Variants in PYGO1 observed in about 807,000 individuals in gnomAD.
PYGO1 encodes pygopus family PHD finger 1, also known as pygopus homolog 1.
Under a neutral mutation model 29.5 loss-of-function variants are expected in PYGO1, and 6 were observed. The observed-to-expected ratio is 0.20, with a 90% CI of 0.11 to 0.40. The LOEUF is 0.40. Among genes scored for constraint, PYGO1 ranks in the 10% least tolerant of loss-of-function variants. The probability of loss-of-function intolerance (pLI) is 1.00; values close to 1 mark genes in which losing one functional copy is unlikely to be tolerated. For synonymous variants in PYGO1, 186 were observed against 180.5 expected (o/e 1.03, Z -0.24); for missense variants, 515 against 514.9 (o/e 1.00, Z 0.00).
upstream of PYGO1, chr15:55,588,743 T>C: frequency 6.4e-7 from 1 of 1,565,034 alleles, no homozygotes; most frequent in African/African-American, 1.4e-5. Context: ...CCGAACTTCG[T>C]CGGAGGCCAC....
chr15:55,569,935 T>C lies in PYGO1; in HGVS notation c.49+17900A>G, dbSNP rs79337381. Among the ~76,000 whole-genome samples, 110 of 152,334 alleles carry C rather than the reference T, an allele frequency of 7.2e-4. No individual in the cohort carries two copies. In the East Asian group the frequency reaches 0.02, roughly 28 times the overall value. ...GTACACAACCAGATTTAAAATGGCA[T>C]CCTGCTCTCAGGGTCTTGGAAAATA... On this transcript the variant is annotated intron_variant, in intron 1 of 2. Coordinates refer to ENST00000563719, the MANE Select transcript of PYGO1 (RefSeq NM_001367806.1).
Position 55,546,334 on chromosome 15 carries a change from A to G in PYGO1, c.949T>C (p.Cys317Arg), listed in dbSNP as rs2058850153. Residue 317 changes from cysteine (C) to arginine (R), a missense_variant, in exon 3 of 3, where the codon TGC becomes CGC. Transcript: ENST00000563719. ...GATTTATTGCTTTTTTCTGTGGTGC[A>G]GGCATCTGCTGCACCTCTTGGTTGT... ...PRQPRGAADA[C>R]TTEKSNKSSL... 6.2e-7 allele frequency: 1 copy of G among 1,614,192 alleles called. No homozygotes were observed. The highest frequency in any genetic ancestry group is 8.5e-7 in the Non-Finnish European group (1 of 1,180,030).
intron 1 of PYGO1, among the ~76,000 whole-genome samples, chr15:55,577,124 C>G (rs1030924094): frequency 6.6e-6 from 1 of 152,154 alleles, no homozygotes; most frequent in African/African-American, 2.4e-5. Flanking sequence ...AGAAAGTCAT[C>G]TCTGCTCATC....
chr15:55,579,654 T>C, intron 1 of PYGO1, among the ~76,000 whole-genome samples: 1 of 152,172 alleles, frequency 6.6e-6, no homozygotes, highest in Non-Finnish European at 1.5e-5. Context: ...GTGCTGAGAT[T>C]ACAGGCATAA....
intron 1 of PYGO1, among the ~76,000 whole-genome samples, chr15:55,562,177 G>A (rs558516051): frequency 6.2e-4 from 94 of 152,260 alleles, no homozygotes; most frequent in African/African-American, 2.2e-3. Flanking sequence ...GATGATAAAA[G>A]TCAAGAAACA....
At chr15:55,557,718 T>TATA (rs1219149994) in intron 1 of PYGO1, among the ~76,000 whole-genome samples, 1 of 152,106 alleles carries the variant, frequency 6.6e-6, no homozygotes, top group African/African-American at 2.4e-5. Context: ...TAATCCAGCA[T>TATA]ATAAACAGAA....
intron 1 of PYGO1, among the ~76,000 whole-genome samples, chr15:55,561,541 C>G (rs1298151138): frequency 1.3e-5 from 2 of 152,158 alleles, no homozygotes; most frequent in East Asian, 3.9e-4. Context: ...CTCCTGAGAA[C>G]TCACTCGTAT....
chr15:55,548,889 T>C (rs1010789556), intron 2 of PYGO1, 21 bp downstream of exon 2: 2 of 1,600,192 alleles, frequency 1.2e-6, no homozygotes, highest in Non-Finnish European at 1.7e-6. Context: ...AAAACTTTTA[T>C]TAAAGAAAAT....
In PYGO1 at chr15:55,549,015, G is replaced by C; in HGVS notation, c.50-20C>G. On this transcript the variant is annotated intron_variant, in intron 1 of 2. Coordinates refer to ENST00000563719, the MANE Select transcript of PYGO1 (RefSeq NM_001367806.1). ...CACCACCTAAAAAAAAAAAAATTCAGGTAATATTTCCCACTTGTAAGTGAA... is the reference window on the plus strand; with the variant it reads ...CACCACCTAAAAAAAAAAAAATTCACGTAATATTTCCCACTTGTAAGTGAA... The C allele has an allele frequency of 1.3e-6, 2 of 1,514,932 alleles. No homozygotes were observed. The highest frequency in any genetic ancestry group is 1.8e-5 in the Admixed American group (1 of 54,720). The allele number at this position is 1,514,932 out of a possible 1,614,324, so 93.8% of individuals were successfully genotyped here.
chr15:55,587,419 G>A (rs1223512790), intron 1 of PYGO1, among the ~76,000 whole-genome samples: 3 of 151,884 alleles, frequency 2.0e-5, no homozygotes, highest in Non-Finnish European at 4.4e-5. Flanking sequence ...AAGCCCAGGA[G>A]CCCTTCTTCA....
chr15:55,543,730 G>A lies in PYGO1; in HGVS notation c.*2293C>T, dbSNP rs574579486. 6.6e-6 allele frequency: 1 copy of A among 152,138 alleles called. No homozygotes were observed. Among genetic ancestry groups the A allele is most frequent in the Non-Finnish European group, 1.5e-5 (1 of 68,034 alleles). 9.4% of individuals were successfully genotyped at this position (152,138 alleles called of 1,614,324 possible). On this transcript the variant is annotated 3_prime_UTR_variant, in exon 3 of 3. Coordinates refer to ENST00000563719, the MANE Select transcript of PYGO1 (RefSeq NM_001367806.1). The stretch of plus-strand genomic sequence containing the variant: ...ACTACCATGTAAAGTGTTAACTCCT[G>A]AGAACACTGGAAAGTTCTACTCAAA...
intron 1 of PYGO1, among the ~76,000 whole-genome samples, chr15:55,586,204 A>G (rs1819430796): frequency 6.6e-6 from 1 of 152,208 alleles, no homozygotes; most frequent in African/African-American, 2.4e-5. Context: ...TTACTGATTT[A>G]TAAAGCATTT....
At chr15:55,566,162 G>A (rs998345111) in intron 1 of PYGO1, among the ~76,000 whole-genome samples, 1 of 152,174 alleles carries the variant, frequency 6.6e-6, no homozygotes, top group Admixed American at 6.5e-5. Flanking sequence ...GCTGAGGTTT[G>A]AGGTGTGAAA....
chr15:55,556,024 C>G (rs1028106986), intron 1 of PYGO1, among the ~76,000 whole-genome samples: 3 of 151,958 alleles, frequency 2.0e-5, no homozygotes, highest in Non-Finnish European at 2.9e-5. Context: ...TAGAGACCTA[C>G]AAAGAGACTC....
intron 1 of PYGO1, among the ~76,000 whole-genome samples, chr15:55,565,629 C>T (rs543414540): frequency 1.3e-5 from 2 of 152,042 alleles, no homozygotes; most frequent in Admixed American, 6.6e-5. Context: ...GCATGAGAAT[C>T]GCTTGAACCC....
rs1374090276 is a variant in PYGO1 at position 55,576,558 on chromosome 15, G to A, written c.49+11277C>T. 4.7e-5 allele frequency among the ~76,000 whole-genome samples: 7 copies of A among 149,406 alleles called. No homozygotes were observed. In the East Asian group the frequency reaches 1.4e-3, roughly 30 times the overall value. On this transcript the variant is annotated intron_variant, in intron 1 of 2. Coordinates refer to ENST00000563719, the MANE Select transcript of PYGO1 (RefSeq NM_001367806.1). ...GGCCAAGGCAGGCAGATCACCTGAG[G>A]TCAGGAGTTTCAGACCAGCCTGGCC...
At position 55,568,320 on chromosome 15, in the gene PYGO1, CTGTGTGTGTGTGTGTG is replaced by C. The variant is rs58177433; in HGVS notation, c.50-19341_50-19326del. ...ATGGTTAAGACGTATTTCCTAGGTA[CTGTGTGTGTGTGTGTG>C]TGTGTGTGTGTGTGTGTGTGTGTGT... On this transcript the variant is annotated intron_variant, in intron 1 of 2. Transcript: ENST00000563719. Among the ~76,000 whole-genome samples the C allele has an allele frequency of 2.5e-3, 316 of 125,916 alleles. 1 individual carries two copies. The highest frequency in any genetic ancestry group is 9.3e-3 in the African/African-American group (293 of 31,390). The allele number at this position is 125,916 out of a possible 152,430, so 82.6% of individuals were successfully genotyped here.
Position 55,546,896 on chromosome 15 carries a change from G to T in PYGO1, c.387C>A (p.His129Gln), listed in dbSNP as rs1007060946. Residue 129 changes from histidine to glutamine, a missense_variant, in exon 3 of 3, where the codon CAC (histidine) becomes CAA (glutamine). His to Gln is a conservative substitution (Grantham distance 24, BLOSUM62 0). Transcript: ENST00000563719. ...CGPYSLRNQP[H>Q]PFPQNPLGMG... ...TGCCCAGAGGATTCTGAGGAAATGGGTGTGGCTGGTTCCTGAGTGAGTAAG... is the reference window on the plus strand; with the variant it reads ...TGCCCAGAGGATTCTGAGGAAATGGTTGTGGCTGGTTCCTGAGTGAGTAAG... 9.9e-6 allele frequency: 16 copies of T among 1,614,050 alleles called. No individual in the cohort carries two copies. The highest frequency in any genetic ancestry group is 1.4e-5 in the Non-Finnish European group (16 of 1,180,042).
intron 2 of PYGO1, among the ~76,000 whole-genome samples, chr15:55,547,483 T>C (rs1347921119): frequency 6.6e-6 from 1 of 152,210 alleles, no homozygotes; most frequent in Non-Finnish European, 1.5e-5. Context: ...CCTATAACTC[T>C]AGAAACTTTC....
Sources: gnomAD v4.1 joint callset for allele counts (sites outside exome capture counted in the v4.1 genomes callset) on GRCh38, gnomAD v4.1.1 for gene constraint, MANE v1.5 for transcripts, NCBI Gene and HGNC (gene_info 2026-07-23, HGNC 2026-07-21) for gene names.